The following KIR3DL3 variants were observed in gnomAD, a reference collection of about 807,000 sequenced individuals.
KIR3DL3 encodes the protein killer cell immunoglobulin-like receptor 3DL3.
Under a neutral mutation model 34.9 loss-of-function variants are expected in KIR3DL3, and 27 were observed. That is an observed-to-expected ratio of 0.77 (90% CI 0.57 to 1.07). The LOEUF (loss-of-function observed/expected upper bound fraction) is 1.07, where lower values mean the gene tolerates loss of function less well. Ranked by LOEUF, KIR3DL3 falls within the 50% of genes least tolerant of loss-of-function variation. KIR3DL3 has a pLI of 0.00. For missense variants in KIR3DL3, 681 were observed against 528.5 expected (o/e 1.29, Z -2.83); for synonymous variants, 217 against 200.2 (o/e 1.08, Z -0.71).
In KIR3DL3 at chr19:54,735,497, A is replaced by G. The variant is rs1411986119; in HGVS notation, c.1054+140A>G. On this transcript the variant is annotated intron_variant, in intron 6 of 7. Transcript: ENST00000291860. Reference sequence around the variant, plus strand: ...CACAGAGGCAGGACTTTCTAGAGAGAGCACCAGACTCCCTGCCTCTGCCTT... The same window carrying G: ...CACAGAGGCAGGACTTTCTAGAGAGGGCACCAGACTCCCTGCCTCTGCCTT... The G allele has an allele frequency of 3.3e-5, 20 of 601,346 alleles. 1 individual carries two copies. The highest frequency in any genetic ancestry group is 6.4e-5 in the African/African-American group (3 of 46,754). The allele number at this position is 601,346 out of a possible 1,614,324, so 37.3% of individuals were successfully genotyped here.
intron 5 of KIR3DL3, 70 bp from the exon 6 acceptor site, chr19:54,735,183 G>GAAATGTA: frequency 8.2e-7 from 1 of 1,223,632 alleles, no homozygotes; most frequent in Non-Finnish European, 1.2e-6. Context: ...TGTCAATCAA[G>GAAATGTA]AAATGTGAGA....
chr19:54,727,582 C>A (rs2068325126), intron 3 of KIR3DL3, 29 bp from the exon 4 acceptor site: 1 of 1,599,156 alleles, frequency 6.3e-7, no homozygotes, highest in Non-Finnish European at 8.5e-7. Context: ...AAGGGAGACG[C>A]CTTCTGAACT....
rs2146808066 is a variant in KIR3DL3, at chr19:54,729,795, ACACCATGCCT to A, written c.949+10_949+19del. ...GCCCGTTTCTGTCACAGGTGAGAAA[ACACCATGCCT>A]GTCCCATGTCTTGTGATCCTAGAGC... On this transcript the variant is annotated intron_variant, in intron 5 of 7. Coordinates refer to ENST00000291860, the MANE Select transcript of KIR3DL3 (RefSeq NM_153443.5). 6.3e-7 allele frequency: 1 copy of A among 1,591,514 alleles called. No individual in the cohort carries two copies. The highest frequency in any genetic ancestry group is 1.4e-5 in the African/African-American group (1 of 73,494).
rs1293204089 is a variant in KIR3DL3, at chr19:54,725,100, G to C, written c.35-147G>C. 3.5e-6 allele frequency: 2 copies of C among 565,480 alleles called. 1 individual carries two copies. The highest frequency in any genetic ancestry group is 5.8e-6 in the Non-Finnish European group (2 of 345,338). 35.0% of individuals were successfully genotyped at this position (565,480 alleles called of 1,614,324 possible). ...GATATAGGCCTGGAGTGGAGATATG[G>C]GCCTGGAGTAGAGATATAGGACGGA... On this transcript the variant is annotated intron_variant, in intron 1 of 7. Transcript: ENST00000291860.
chr19:54,736,189 A>G lies in KIR3DL3; in HGVS notation c.*93A>G. 3 of 1,558,292 alleles carry G rather than the reference A, an allele frequency of 1.9e-6. No individual in the cohort carries two copies. Among genetic ancestry groups the G allele is most frequent in the Non-Finnish European group, 2.6e-6 (3 of 1,136,148 alleles). On this transcript the variant is annotated 3_prime_UTR_variant, in exon 8 of 8. Transcript: ENST00000291860. ...CTTGATGGGATCTTCTAGGGAGACA[A>G]TAGCCCTGTCTCAAAACCGGGTTGC...
In KIR3DL3 at chr19:54,729,642, G is replaced by A; in HGVS notation, c.805G>A (p.Val269Met). ...GGCCGGTGAACTTAGGCTCACTGCA[G>A]TGCTGAGGGTCAATGGAACATTCCA... ...AEAGELRLTA[V>M]LRVNGTFQAN... The change falls in exon 5 of 8, where the codon GTG (valine) becomes ATG (methionine). Residue 269 changes from valine to methionine, a missense_variant. Val to Met is a conservative substitution (Grantham distance 21). Transcript: ENST00000291860. 2.5e-6 allele frequency: 4 copies of A among 1,600,928 alleles called. No individual in the cohort carries two copies. In the South Asian group the frequency reaches 4.4e-5, roughly 18 times the overall value.
rs1426989728 is a variant in KIR3DL3 at position 54,729,651 on chromosome 19, G to A, written c.814G>A (p.Val272Ile). ...ACTTAGGCTCACTGCAGTGCTGAGG[G>A]TCAATGGAACATTCCAGGCCAACTT... The part of the protein sequence containing the change: ...GELRLTAVLR[V>I]NGTFQANFPL... The change falls in exon 5 of 8, where the codon GTC becomes ATC. Residue 272 changes from valine to isoleucine, a missense_variant. Val to Ile is a conservative substitution (Grantham distance 29, BLOSUM62 3). Coordinates refer to ENST00000291860, the MANE Select transcript of KIR3DL3 (RefSeq NM_153443.5). 57 of 1,601,026 alleles carry A rather than the reference G, an allele frequency of 3.6e-5. No individual in the cohort carries two copies. Among genetic ancestry groups the A allele is most frequent in the Non-Finnish European group, 4.7e-5 (55 of 1,176,686 alleles).
chr19:54,734,208 A>C (rs1264715819), intron 5 of KIR3DL3, among the ~76,000 whole-genome samples: 1 of 151,718 alleles, frequency 6.6e-6, no homozygotes, highest in Non-Finnish European at 1.5e-5. Flanking sequence ...TGTAAAGCAC[A>C]TTCGCTGTGT....
chr19:54,732,299 G>A (rs2068901911), intron 5 of KIR3DL3, among the ~76,000 whole-genome samples: 1 of 150,134 alleles, frequency 6.7e-6, no homozygotes, highest in South Asian at 2.1e-4. Flanking sequence ...TCCACAGGCT[G>A]GAGTGCAGTA....
chr19:54,730,334 A>G (rs1426913208), intron 5 of KIR3DL3, among the ~76,000 whole-genome samples: 1 of 150,134 alleles, frequency 6.7e-6, no homozygotes, highest in Admixed American at 6.7e-5. Context: ...CAGGTGGATC[A>G]TTTGAGATCA....
In KIR3DL3 at chr19:54,729,677, C is replaced by A; in HGVS notation, c.840C>A (p.Phe280Leu). The change falls in exon 5 of 8, where the codon TTC becomes TTA. Residue 280 changes from phenylalanine (F) to leucine (L), a missense_variant. Transcript: ENST00000291860. ...LRVNGTFQAN[F>L]PLGPVTHGGN... ...TCAATGGAACATTCCAGGCCAACTTCCCTCTGGGCCCTGTGACCCACGGAG... is the reference window on the plus strand; with the variant it reads ...TCAATGGAACATTCCAGGCCAACTTACCTCTGGGCCCTGTGACCCACGGAG... The A allele has an allele frequency of 6.3e-7, 1 of 1,595,098 alleles. No homozygotes were observed. Among genetic ancestry groups the A allele is most frequent in the Non-Finnish European group, 8.5e-7 (1 of 1,174,432 alleles).
In KIR3DL3 at chr19:54,735,310, C is replaced by A; in HGVS notation, c.1007C>A (p.Ala336Asp). The change falls in exon 6 of 8, where the codon GCT (alanine) becomes GAT (aspartate). Residue 336 changes from alanine (A) to aspartate (D), a missense_variant. Transcript: ENST00000291860. ...IGTSVVIIPFAILLFFLLHRW... is the reference protein window; with the variant it reads ...IGTSVVIIPFDILLFFLLHRW... ...ACCTCAGTGGTCATCATCCCCTTTG[C>A]TATCCTCCTCTTCTTTCTCCTTCAT... The A allele has an allele frequency of 1.3e-6, 2 of 1,504,946 alleles. No individual in the cohort carries two copies. The highest frequency in any genetic ancestry group is 1.8e-6 in the Non-Finnish European group (2 of 1,086,210). The allele number at this position is 1,504,946 out of a possible 1,614,324, so 93.2% of individuals were successfully genotyped here. A position where few individuals can be genotyped will look rare whatever the true frequency, so the allele number is the denominator to read the frequency against.
intron 4 of KIR3DL3, 143 bp downstream of exon 4, chr19:54,728,053 A>T (rs1295938290): frequency 3.7e-6 from 3 of 821,154 alleles, no homozygotes; most frequent in Middle Eastern, 3.8e-4. Context: ...GTACCAACAA[A>T]GGCAGAGAAA....
chr19:54,728,008 G>A, intron 4 of KIR3DL3, 98 bp downstream of exon 4: 1 of 1,235,096 alleles, frequency 8.1e-7, no homozygotes, highest in Non-Finnish European at 1.1e-6. Context: ...ATGAGTGTGG[G>A]GTTCCTATGG....
At chr19:54,735,457 G>A (rs603334) in intron 6 of KIR3DL3, 100 bp downstream of exon 6, 125,006 of 575,790 alleles carry the variant, frequency 0.22, 17,101 homozygotes, top group South Asian at 0.36. Context: ...ATGGTCCCTG[G>A]CCCAAGGCAG....
chr19:54,735,418 C>A lies in KIR3DL3; in HGVS notation c.1054+61C>A, dbSNP rs185549280. Reference sequence around the variant, plus strand: ...GCCATGTGGGGAAGCAGGATGGGAGCACTCAGGTGTGTGTTCCTCACAGAC... The same window carrying A: ...GCCATGTGGGGAAGCAGGATGGGAGAACTCAGGTGTGTGTTCCTCACAGAC... On this transcript the variant is annotated intron_variant, in intron 6 of 7. Coordinates refer to ENST00000291860, the MANE Select transcript of KIR3DL3 (RefSeq NM_153443.5). The A allele has an allele frequency of 2.3e-3, 1,911 of 817,188 alleles. 20 individuals carry two copies. Among genetic ancestry groups the A allele is most frequent in the Non-Finnish European group, 3.5e-3 (1,648 of 470,410 alleles). The allele number at this position is 817,188 out of a possible 1,614,324, so 50.6% of individuals were successfully genotyped here.
intron 3 of KIR3DL3, 28 bp from the exon 4 acceptor site, chr19:54,727,583 C>T: frequency 6.2e-7 from 1 of 1,601,858 alleles, no homozygotes; most frequent in Non-Finnish European, 8.5e-7. Flanking sequence ...AGGGAGACGC[C>T]TTCTGAACTC....
chr19:54,735,508 C>A, intron 6 of KIR3DL3, 151 bp downstream of exon 6: 2 of 599,454 alleles, frequency 3.3e-6, no homozygotes, highest in Non-Finnish European at 2.9e-6. Flanking sequence ...GCACCAGACT[C>A]CCTGCCTCTG....
At chr19:54,725,316 T>C in intron 2 of KIR3DL3, 34 bp downstream of exon 2, 1 of 1,519,986 alleles carries the variant, frequency 6.6e-7, no homozygotes, top group Non-Finnish European at 8.9e-7. Context: ...GGTTGTCATC[T>C]CCCCACATAA....
Sources: allele counts gnomAD v4.1 joint callset (sites outside exome capture counted in the v4.1 genomes callset), GRCh38; gene constraint gnomAD v4.1.1; transcripts MANE v1.5; gene names NCBI Gene and HGNC (gene_info 2026-07-23, HGNC 2026-07-21).